The following RASEF variants were observed in gnomAD, a reference collection of about 807,000 sequenced individuals.
RASEF encodes RAS and EF-hand domain containing.
Under a neutral mutation model 90.1 loss-of-function variants are expected in RASEF, and 68 were observed. That is an observed-to-expected ratio of 0.75 (90% CI 0.62 to 0.92). RASEF has a LOEUF of 0.92. Among genes scored for constraint, RASEF ranks in the 40% least tolerant of loss-of-function variants. The probability of loss-of-function intolerance (pLI) is 0.00; values close to 1 mark genes in which losing one functional copy is unlikely to be tolerated. For synonymous variants in RASEF, 331 were observed against 345.2 expected (o/e 0.96, Z 0.46); for missense variants, 949 against 937.2 (o/e 1.01, Z -0.16).
At chr9:83,160,419 C>T in the RASEF span, among the ~76,000 whole-genome samples, 1 of 152,170 alleles carries the variant, frequency 6.6e-6, no homozygotes, top group African/African-American at 2.4e-5. Flanking sequence ...GCATTTTGCC[C>T]CTGCCCTAGA....
chr9:83,085,581 C>T, the RASEF span, among the ~76,000 whole-genome samples: 3 of 151,882 alleles, frequency 2.0e-5, no homozygotes, highest in African/African-American at 7.2e-5. Context: ...CTGCAGTGGG[C>T]CCTGATTATG....
chr9:83,097,827 GTCA>G, the RASEF span, among the ~76,000 whole-genome samples: 1 of 152,096 alleles, frequency 6.6e-6, no homozygotes, highest in Non-Finnish European at 1.5e-5. Flanking sequence ...AATTAGCATC[GTCA>G]TCATCATCAT....
At chr9:83,129,125 G>A in the RASEF span, among the ~76,000 whole-genome samples, 6 of 152,038 alleles carry the variant, frequency 3.9e-5, no homozygotes, top group Non-Finnish European at 7.4e-5. Context: ...GTGCCTTTGG[G>A]GCCAAAATGG....
At chr9:83,012,133 C>G (rs1221684022) in intron 5 of RASEF, among the ~76,000 whole-genome samples, 2 of 150,770 alleles carry the variant, frequency 1.3e-5, no homozygotes, top group Non-Finnish European at 2.9e-5. Flanking sequence ...CATCACTAAG[C>G]CAGGAATACA....
At chr9:83,191,485 G>A in the RASEF span, among the ~76,000 whole-genome samples, 11 of 152,268 alleles carry the variant, frequency 7.2e-5, no homozygotes, top group African/African-American at 2.4e-4. Context: ...GAAAGCCACT[G>A]GATGGATTCT....
At position 83,007,471 on chromosome 9, in the gene RASEF, G is replaced by C; in HGVS notation, c.994C>G (p.Arg332Gly). 6.2e-7 allele frequency: 1 copy of C among 1,612,846 alleles called. No individual in the cohort carries two copies. The highest frequency in any genetic ancestry group is 1.3e-5 in the African/African-American group (1 of 74,968). Residue 332 changes from arginine (R) to glycine (G), a missense_variant, in exon 7 of 17, where the codon CGA becomes GGA. Arg to Gly is a moderately radical substitution (Grantham distance 125). Around this residue, in one of 3 missense-constraint regions of RASEF, gnomAD observed 656 missense variants for 592.2 expected, o/e 1.11. Coordinates refer to ENST00000376447, the MANE Select transcript of RASEF (RefSeq NM_152573.4). The part of the protein sequence containing the change: ...LEIIRAYTED[R>G]NSLERQIEIL... ...TCAATTTGCCTCTCAAGACTATTTC[G>C]ATCTTCTGTGTATGCTCGGATTATT...
chr9:83,009,842 A>G, intron 5 of RASEF, 86 bp from the exon 6 acceptor site: 1 of 741,886 alleles, frequency 1.3e-6, no homozygotes, highest in South Asian at 1.5e-5. Flanking sequence ...TCACCCTCCC[A>G]CACCACTCTC....
chr9:83,005,093 C>T (rs952450), intron 8 of RASEF, among the ~76,000 whole-genome samples: 77,168 of 151,962 alleles, frequency 0.51, 19,771 homozygotes, highest in East Asian at 0.73. Flanking sequence ...CCAAGGCTCC[C>T]ATTCTGAGCA....
At position 83,007,294 on chromosome 9, in the gene RASEF, G is replaced by A. The variant is rs1392162286; in HGVS notation, c.1028+143C>T. ...TCAGAAAGCTAAGAGGAGATGCCAA[G>A]TGCACACCCTGAGAAGAAACACCCA... On this transcript the variant is annotated intron_variant, in intron 7 of 16. Transcript: ENST00000376447. 8.8e-6 allele frequency: 6 copies of A among 681,902 alleles called. No individual in the cohort carries two copies. In the South Asian group the frequency reaches 1.0e-4, roughly 11 times the overall value. 42.2% of individuals were successfully genotyped at this position (681,902 alleles called of 1,614,324 possible).
the RASEF span, among the ~76,000 whole-genome samples, chr9:83,073,067 TTCTC>T: frequency 6.6e-6 from 1 of 152,142 alleles, no homozygotes; most frequent in South Asian, 2.1e-4. Context: ...TGTGGCACGT[TTCTC>T]TCCATCACGC....
the RASEF span, among the ~76,000 whole-genome samples, chr9:83,211,705 A>G: frequency 6.6e-6 from 1 of 152,196 alleles, no homozygotes; most frequent in Non-Finnish European, 1.5e-5. Flanking sequence ...GATGCATATA[A>G]GGGTGTCATT....
the RASEF span, among the ~76,000 whole-genome samples, chr9:83,133,034 T>C: frequency 1.3e-5 from 2 of 152,212 alleles, no homozygotes; most frequent in African/African-American, 4.8e-5. Context: ...GTTCTTCCAA[T>C]GGGCTTAACA....
chr9:83,097,710 T>G, the RASEF span, among the ~76,000 whole-genome samples: 5 of 152,332 alleles, frequency 3.3e-5, no homozygotes, highest in East Asian at 9.6e-4. Flanking sequence ...AGATACCATC[T>G]CACACCAGTT....
Position 82,981,738 on chromosome 9 carries a change from C to T in RASEF, c.*939G>A, listed in dbSNP as rs1417559242. 1 of 152,190 alleles carries T rather than the reference C, an allele frequency of 6.6e-6. No homozygotes were observed. Among genetic ancestry groups the T allele is most frequent in the Non-Finnish European group, 1.5e-5 (1 of 68,048 alleles). The allele number at this position is 152,190 out of a possible 1,614,324, so 9.4% of individuals were successfully genotyped here. A position where few individuals can be genotyped will look rare whatever the true frequency, so the allele number is the denominator to read the frequency against. ...ACATTCTCATCATCGCCCAAAGAAA[C>T]CACATACCTATTAGCAGTCACTCCC... On this transcript the variant is annotated 3_prime_UTR_variant, in exon 17 of 17. Coordinates refer to ENST00000376447, the MANE Select transcript of RASEF (RefSeq NM_152573.4).
chr9:83,199,154 T>G, the RASEF span, among the ~76,000 whole-genome samples: 4 of 151,122 alleles, frequency 2.6e-5, no homozygotes, highest in African/African-American at 9.7e-5. Flanking sequence ...GTTTGCACAT[T>G]CGGAAGTTGG....
the RASEF span, among the ~76,000 whole-genome samples, chr9:83,166,556 G>A: frequency 1.3e-5 from 2 of 152,136 alleles, no homozygotes; most frequent in African/African-American, 2.4e-5. Context: ...GTAGAACCCA[G>A]ACAGCCGGGG....
chr9:83,188,522 C>T, the RASEF span, among the ~76,000 whole-genome samples: 170 of 152,180 alleles, frequency 1.1e-3, no homozygotes, highest in Non-Finnish European at 2.2e-3. Flanking sequence ...GCAGTAGTAG[C>T]CACTGTGAGA....
the RASEF span, among the ~76,000 whole-genome samples, chr9:83,092,681 C>T: frequency 6.6e-6 from 1 of 152,100 alleles, no homozygotes; most frequent in Non-Finnish European, 1.5e-5. Flanking sequence ...GGGACCCGAG[C>T]GGGTTGCCAC....
the RASEF span, among the ~76,000 whole-genome samples, chr9:83,159,324 A>G: frequency 1.3e-5 from 2 of 152,222 alleles, no homozygotes; most frequent in African/African-American, 4.8e-5. Context: ...TTCTACATGG[A>G]CACTGAAAAT....
Sources: allele counts gnomAD v4.1 joint callset (sites outside exome capture counted in the v4.1 genomes callset), GRCh38; gene constraint gnomAD v4.1.1; regional missense constraint gnomAD v4.1.1; transcripts MANE v1.5; gene names NCBI Gene and HGNC (gene_info 2026-07-23, HGNC 2026-07-21).